The following NR3C2 variants were observed in gnomAD, a reference collection of about 807,000 sequenced individuals.
NR3C2 encodes mineralocorticoid receptor.
In NR3C2, 15 loss-of-function variants were observed where a neutral mutation model predicts 86.4. That is an observed-to-expected ratio of 0.17 (90% confidence interval 0.12 to 0.27). NR3C2 has a LOEUF of 0.27. Ranked by LOEUF, NR3C2 falls within the 10% of genes least tolerant of loss-of-function variation. NR3C2 has a pLI of 1.00. For missense variants in NR3C2, 960 were observed against 1,195.6 expected (o/e 0.80, Z 2.91); for synonymous variants, 458 against 450.5 (o/e 1.02, Z -0.21).
rs564762324 is a variant in NR3C2, at chr4:148,340,192, C to A, written c.1758-80075G>T. On this transcript the variant is annotated intron_variant, in intron 2 of 8. Coordinates refer to ENST00000358102, the MANE Select transcript of NR3C2 (RefSeq NM_000901.5). ...AATCTGTATGGAACCACAAAAGACT[C>A]CGAATAGTCAAAGTAATTCTGAGCA... Among the ~76,000 whole-genome samples, 15 of 152,200 alleles carry A rather than the reference C, an allele frequency of 9.9e-5. No homozygotes were observed. The South Asian group carries it at 3.1e-3, about 32-fold the overall frequency.
intron 2 of NR3C2, among the ~76,000 whole-genome samples, chr4:148,397,666 A>AT (rs548385319): frequency 2.0e-5 from 3 of 152,202 alleles, no homozygotes; most frequent in South Asian, 2.1e-4. Context: ...CCTTATTTCA[A>AT]TTTTTTAATT....
rs752314124 is a variant in NR3C2 at position 148,436,692 on chromosome 4, T to C, written c.169A>G (p.Asn57Asp). 1.9e-6 allele frequency: 3 copies of C among 1,614,182 alleles called. No homozygotes were observed. Among genetic ancestry groups the C allele is most frequent in the Non-Finnish European group, 2.5e-6 (3 of 1,180,032 alleles). ...NVSCVSGAIP[N>D]NSTQGSSKEK... ...TTGCTGCTTCCTTGAGTACTGTTGT[T>C]TGGAATAGCACCGGAAACACAGCTT... Residue 57 changes from asparagine (N) to aspartate (D), a missense_variant, in exon 2 of 9, where the codon AAC (asparagine) becomes GAC (aspartate). By Grantham distance (23) the Asn-to-Asp change is conservative (BLOSUM62 1). Transcript: ENST00000358102.
At chr4:148,430,358 T>A (rs1054151095) in intron 2 of NR3C2, among the ~76,000 whole-genome samples, 1 of 152,132 alleles carries the variant, frequency 6.6e-6, no homozygotes, top group African/African-American at 2.4e-5. Flanking sequence ...ATTTGTGATG[T>A]TTAAAAATGA....
chr4:148,197,322 T>C (rs190553904), intron 3 of NR3C2, among the ~76,000 whole-genome samples: 1 of 152,340 alleles, frequency 6.6e-6, no homozygotes, highest in African/African-American at 2.4e-5. Context: ...AGGTTTCATC[T>C]TTAATATACA....
intron 6 of NR3C2, among the ~76,000 whole-genome samples, chr4:148,147,061 T>G (rs898359279): frequency 6.6e-6 from 1 of 152,206 alleles, no homozygotes; most frequent in Admixed American, 6.5e-5. Flanking sequence ...CAAGGTAAAA[T>G]TGAATAATTA....
chr4:148,297,137 A>T (rs1159941463), intron 2 of NR3C2, among the ~76,000 whole-genome samples: 1 of 152,184 alleles, frequency 6.6e-6, no homozygotes, highest in Non-Finnish European at 1.5e-5. Context: ...GCTGCTAGAC[A>T]ATCACAAAGA....
At chr4:148,335,396 T>G (rs1179704462) in intron 2 of NR3C2, among the ~76,000 whole-genome samples, 1 of 152,198 alleles carries the variant, frequency 6.6e-6, no homozygotes, top group Non-Finnish European at 1.5e-5. Context: ...AAATAGGAAT[T>G]TCTCGTAATG....
intron 4 of NR3C2, among the ~76,000 whole-genome samples, chr4:148,155,339 G>A (rs986553544): frequency 6.6e-6 from 1 of 152,164 alleles, no homozygotes; most frequent in African/African-American, 2.4e-5. Context: ...GTTTGCAGAC[G>A]ACATGATTGT....
At chr4:148,148,943 T>C (rs923533285) in intron 6 of NR3C2, among the ~76,000 whole-genome samples, 1 of 152,202 alleles carries the variant, frequency 6.6e-6, no homozygotes, top group Non-Finnish European at 1.5e-5. Context: ...TGTATGCATA[T>C]GCATTTGGCC....
chr4:148,198,201 T>C (rs955073984), intron 3 of NR3C2, among the ~76,000 whole-genome samples: 6 of 152,070 alleles, frequency 3.9e-5, no homozygotes, highest in African/African-American at 1.4e-4. Flanking sequence ...AAATCAAAGG[T>C]ATCATTTTTT....
chr4:148,082,278 C>A (rs1313959778), intron 8 of NR3C2, among the ~76,000 whole-genome samples: 10 of 152,208 alleles, frequency 6.6e-5, no homozygotes, highest in Admixed American at 5.9e-4. Flanking sequence ...GCTGGCAATA[C>A]GGCCAAATAG....
chr4:148,288,705 T>C (rs1741651983), intron 2 of NR3C2, among the ~76,000 whole-genome samples: 2 of 152,148 alleles, frequency 1.3e-5, no homozygotes, highest in African/African-American at 4.8e-5. Context: ...TTTTAAATAG[T>C]ATGCTTCAAG....
At chr4:148,397,841 A>G (rs1278409027) in intron 2 of NR3C2, among the ~76,000 whole-genome samples, 1 of 152,190 alleles carries the variant, frequency 6.6e-6, no homozygotes, top group African/African-American at 2.4e-5. Flanking sequence ...CCCAGGGCTG[A>G]CATAAAGTAC....
intron 2 of NR3C2, among the ~76,000 whole-genome samples, chr4:148,277,525 G>A (rs1741018725): frequency 1.3e-5 from 2 of 152,000 alleles, no homozygotes; most frequent in African/African-American, 4.8e-5. Context: ...AGTCCTACCC[G>A]AGCAACACAG....
intron 2 of NR3C2, among the ~76,000 whole-genome samples, chr4:148,410,960 G>C (rs1409515360): frequency 6.6e-6 from 1 of 152,066 alleles, no homozygotes; most frequent in Non-Finnish European, 1.5e-5. Flanking sequence ...AACCTTACGA[G>C]GAAACCTTAG....
chr4:148,233,366 G>GTTTCTTT (rs1553999388), intron 3 of NR3C2, among the ~76,000 whole-genome samples: 2 of 142,784 alleles, frequency 1.4e-5, no homozygotes, highest in Non-Finnish European at 3.0e-5. Flanking sequence ...ATTTCTTTAG[G>GTTTCTTT]TTTTTTTTTT....
At chr4:148,193,636 G>GT (rs1736307395) in intron 4 of NR3C2, among the ~76,000 whole-genome samples, 1 of 152,020 alleles carries the variant, frequency 6.6e-6, no homozygotes, top group South Asian at 2.1e-4. Flanking sequence ...TTTAAATTTT[G>GT]TATTTTTGTA....
chr4:148,382,442 C>T (rs981490669), intron 2 of NR3C2, among the ~76,000 whole-genome samples: 7 of 152,160 alleles, frequency 4.6e-5, no homozygotes, highest in Admixed American at 2.0e-4. Context: ...GACCCTAATG[C>T]TATTGTACTT....
intron 2 of NR3C2, among the ~76,000 whole-genome samples, chr4:148,330,939 G>A (rs371615062): frequency 1.5e-4 from 23 of 152,130 alleles, no homozygotes; most frequent in East Asian, 5.8e-4. Flanking sequence ...TTCACCTTCC[G>A]CCTTGATTTT....
Sources: allele counts gnomAD v4.1 joint callset (sites outside exome capture counted in the v4.1 genomes callset), GRCh38; gene constraint gnomAD v4.1.1; transcripts MANE v1.5; gene names NCBI Gene and HGNC (gene_info 2026-07-23, HGNC 2026-07-21).